Variants in NALCN observed in about 807,000 individuals in gnomAD.
NALCN encodes the protein sodium leak channel, non-selective.
In NALCN, 111 loss-of-function variants were observed where a neutral mutation model predicts 225.3. That is an observed-to-expected ratio of 0.49 (90% CI 0.42 to 0.58). The LOEUF is 0.58. Among genes scored for constraint, NALCN ranks in the 20% least tolerant of loss-of-function variants. The probability of loss-of-function intolerance (pLI) is 0.00; values close to 1 mark genes in which losing one functional copy is unlikely to be tolerated. For synonymous variants in NALCN, 764 were observed against 769.0 expected (o/e 0.99, Z 0.11); for missense variants, 1,378 against 2,202.4 (o/e 0.63, Z 7.49).
intron 10 of NALCN, among the ~76,000 whole-genome samples, chr13:101,281,681 T>C (rs2043173405): frequency 6.6e-6 from 1 of 151,992 alleles, no homozygotes; most frequent in African/African-American, 2.4e-5. Flanking sequence ...ATAAACAAAA[T>C]GAAAAGGCAG....
rs1359777956 is a variant in NALCN at position 101,293,415 on chromosome 13, C to T, written c.800-1049G>A. Among the ~76,000 whole-genome samples, 3 of 152,170 alleles carry T rather than the reference C, an allele frequency of 2.0e-5. No individual in the cohort carries two copies. The East Asian group carries it at 5.8e-4, about 29-fold the overall frequency. Reference sequence around the variant, plus strand: ...ATATGCTTTTGTGAGAAAACACACACACATATACCATTGAAGTTGTTTATA... The same window carrying T: ...ATATGCTTTTGTGAGAAAACACACATACATATACCATTGAAGTTGTTTATA... On this transcript the variant is annotated intron_variant, in intron 7 of 43. Transcript: ENST00000251127.
intron 10 of NALCN, among the ~76,000 whole-genome samples, chr13:101,264,762 A>C (rs1476732723): frequency 6.6e-6 from 1 of 152,208 alleles, no homozygotes; most frequent in East Asian, 1.9e-4. Context: ...GCTGGCTGGA[A>C]TGTAATATGT....
intron 1 of NALCN, among the ~76,000 whole-genome samples, chr13:101,414,929 G>A (rs935689423): frequency 2.7e-5 from 4 of 145,744 alleles, no homozygotes; most frequent in Admixed American, 1.4e-4. Flanking sequence ...ACACTGTCTG[G>A]TTTTAGCAGT....
chr13:101,305,290 G>A (rs1053009456), intron 7 of NALCN, among the ~76,000 whole-genome samples: 1 of 152,080 alleles, frequency 6.6e-6, no homozygotes, highest in Non-Finnish European at 1.5e-5. Flanking sequence ...ATCACTGGTG[G>A]TTACTTATTG....
chr13:101,184,784 G>T (rs1432232885), intron 14 of NALCN, among the ~76,000 whole-genome samples: 2 of 152,052 alleles, frequency 1.3e-5, no homozygotes, highest in African/African-American at 4.8e-5. Context: ...TTCTCTCCCT[G>T]CAGCAACATA....
At chr13:101,249,932 A>T (rs918400290) in intron 11 of NALCN, among the ~76,000 whole-genome samples, 1 of 152,112 alleles carries the variant, frequency 6.6e-6, no homozygotes, top group African/African-American at 2.4e-5. Flanking sequence ...TGATAATTAG[A>T]CGTGGAAAGA....
chr13:101,179,460 C>T (rs1456644619), intron 14 of NALCN, among the ~76,000 whole-genome samples: 1 of 152,164 alleles, frequency 6.6e-6, no homozygotes, highest in African/African-American at 2.4e-5. Flanking sequence ...GGTGCACAAT[C>T]CCTCCATTTC....
intron 15 of NALCN, among the ~76,000 whole-genome samples, chr13:101,163,628 C>A (rs1048110882): frequency 6.6e-6 from 1 of 152,052 alleles, no homozygotes; most frequent in African/African-American, 2.4e-5. Flanking sequence ...CGCAGGCTGG[C>A]GTAGGATTCC....
At chr13:101,168,786 G>A (rs974571388) in intron 15 of NALCN, among the ~76,000 whole-genome samples, 11 of 152,136 alleles carry the variant, frequency 7.2e-5, no homozygotes, top group Admixed American at 3.3e-4. Flanking sequence ...TCCTGTGCTG[G>A]TATCTCCTTA....
chr13:101,124,743 T>C (rs2036151508), intron 17 of NALCN, 62 bp from the exon 18 acceptor site: 1 of 1,282,610 alleles, frequency 7.8e-7, no homozygotes, highest in Middle Eastern at 1.8e-4. Context: ...TACTGTCAAA[T>C]CATTCAATAG....
intron 41 of NALCN, 115 bp downstream of exon 41, chr13:101,061,853 A>G: frequency 1.1e-6 from 1 of 947,690 alleles, no homozygotes; most frequent in Non-Finnish European, 1.5e-6. Flanking sequence ...AAGGGATAGA[A>G]GGCTGATCAC....
At chr13:101,300,856 T>C (rs2043940401) in intron 7 of NALCN, among the ~76,000 whole-genome samples, 2 of 152,260 alleles carry the variant, frequency 1.3e-5, no homozygotes, top group Non-Finnish European at 2.9e-5. Flanking sequence ...TATAAATGCC[T>C]TAAAAATATT....
chr13:101,189,455 T>C (rs1238365497), intron 14 of NALCN, among the ~76,000 whole-genome samples: 1 of 152,220 alleles, frequency 6.6e-6, no homozygotes, highest in Non-Finnish European at 1.5e-5. Context: ...CTCTAAAACA[T>C]CCTCAGAAAT....
chr13:101,403,921 G>A (rs2047547954), intron 1 of NALCN, among the ~76,000 whole-genome samples: 1 of 152,156 alleles, frequency 6.6e-6, no homozygotes, highest in Non-Finnish European at 1.5e-5. Flanking sequence ...TGACTTTCAT[G>A]TCTTTGGGAA....
rs609246 is a variant in NALCN, at chr13:101,095,527, C to T, written c.3269+47G>A. On this transcript the variant is annotated intron_variant, in intron 28 of 43. Transcript: ENST00000251127. ...TATGATACTTATTTAAAGCCTTATA[C>T]TGACAAACACACCATTCTTCAGAAT... The T allele has an allele frequency of 0.31, 452,692 of 1,473,614 alleles. 72,850 individuals are homozygous for T. The highest frequency in any genetic ancestry group is 0.39 in the African/African-American group (27,895 of 71,098). The allele number at this position is 1,473,614 out of a possible 1,614,324, so 91.3% of individuals were successfully genotyped here.
chr13:101,112,449 C>T (rs1423502032), intron 18 of NALCN, among the ~76,000 whole-genome samples: 3 of 152,120 alleles, frequency 2.0e-5, no homozygotes, highest in African/African-American at 4.8e-5. Flanking sequence ...AAAATTTTCT[C>T]CAACTGGGAA....
At chr13:101,106,356 A>C (rs2035100248) in intron 22 of NALCN, among the ~76,000 whole-genome samples, 1 of 152,218 alleles carries the variant, frequency 6.6e-6, no homozygotes, top group African/African-American at 2.4e-5. Flanking sequence ...AATTCAGTCC[A>C]TAACAGATAG....
rs117670351 is a variant in NALCN at position 101,174,754 on chromosome 13, A to G, written c.1839+1546T>C. On this transcript the variant is annotated intron_variant, in intron 15 of 43. Coordinates refer to ENST00000251127, the MANE Select transcript of NALCN (RefSeq NM_052867.4). The stretch of plus-strand genomic sequence containing the variant: ...GGCTGGAATTATATGGTTATTTAAA[A>G]GCATATGGAACCTGGCGGTAGCACT... 4.6e-3 allele frequency among the ~76,000 whole-genome samples: 699 copies of G among 152,340 alleles called. 15 individuals are homozygous for G. The highest frequency in any genetic ancestry group is 0.045 in the East Asian group (231 of 5,186).
chr13:101,392,953 G>T (rs2047185798), intron 3 of NALCN, among the ~76,000 whole-genome samples: 1 of 152,152 alleles, frequency 6.6e-6, no homozygotes, highest in African/African-American at 2.4e-5. Context: ...ATATAACCAA[G>T]AATGTGCAAA....
Sources: gnomAD v4.1 joint callset for allele counts (sites outside exome capture counted in the v4.1 genomes callset) on GRCh38, gnomAD v4.1.1 for gene constraint, MANE v1.5 for transcripts, NCBI Gene and HGNC (gene_info 2026-07-23, HGNC 2026-07-21) for gene names.